The following SPAG16 variants were observed in gnomAD, a reference collection of about 807,000 sequenced individuals.
SPAG16 encodes sperm-associated antigen 16 protein.
SPAG16 carries 86 observed loss-of-function variants against 80.4 expected under a neutral mutation model. The ratio of observed to expected loss-of-function variants is 1.07; its 90% CI spans 0.90 to 1.28. The LOEUF is 1.28. SPAG16 is among the 50% of genes most tolerant of loss of function. The pLI is 0.00. For missense variants in SPAG16, 870 were observed against 765.3 expected, an observed-to-expected ratio of 1.14 and a Z score of -1.61; for synonymous variants, 294 against 265.9, an observed-to-expected ratio of 1.11 and a Z score of -1.03.
chr2:213,869,267 A>ATATATATATATGTATATATATATG (rs1559538085), intron 11 of SPAG16, among the ~76,000 whole-genome samples: 4 of 63,634 alleles, frequency 6.3e-5, no homozygotes, highest in African/African-American at 2.8e-4. Context: ...AAAAAAAAAT[A>ATATATATATATGTATATATATATG]TATATATATA....
At chr2:213,980,841 G>A (rs906235875) in intron 12 of SPAG16, among the ~76,000 whole-genome samples, 24 of 146,554 alleles carry the variant, frequency 1.6e-4, no homozygotes, top group South Asian at 6.6e-4. Context: ...CCCGGGAGGC[G>A]GAGGTTGCAG....
intron 12 of SPAG16, among the ~76,000 whole-genome samples, chr2:213,994,708 C>G (rs2046436692): frequency 6.6e-6 from 1 of 150,712 alleles, no homozygotes; most frequent in Middle Eastern, 3.6e-3. Context: ...ACCATCTATT[C>G]TGAATTTTAT....
At chr2:213,477,820 GT>G in intron 9 of SPAG16, among the ~76,000 whole-genome samples, 1 of 152,254 alleles carries the variant, frequency 6.6e-6, no homozygotes, top group Admixed American at 6.5e-5. Flanking sequence ...GGTATCATTG[GT>G]TTTGAAATAT....
intron 15 of SPAG16, among the ~76,000 whole-genome samples, chr2:214,155,807 T>A (rs978511843): frequency 6.6e-6 from 1 of 152,192 alleles, no homozygotes; most frequent in Admixed American, 6.5e-5. Flanking sequence ...ATTCACCTAT[T>A]TAATTCTCAC....
At chr2:213,475,129 C>T (rs993152584) in intron 9 of SPAG16, among the ~76,000 whole-genome samples, 2 of 152,134 alleles carry the variant, frequency 1.3e-5, no homozygotes, top group African/African-American at 2.4e-5. Flanking sequence ...AGTCAGGATT[C>T]GATTCCAAAG....
chr2:213,438,310 C>A (rs1028447878), intron 9 of SPAG16, among the ~76,000 whole-genome samples: 1 of 152,142 alleles, frequency 6.6e-6, no homozygotes, highest in Non-Finnish European at 1.5e-5. Context: ...TTGAAATAGA[C>A]AACAATGGCC....
At chr2:213,644,646 A>T (rs1223945211) in intron 10 of SPAG16, among the ~76,000 whole-genome samples, 5 of 152,172 alleles carry the variant, frequency 3.3e-5, no homozygotes, top group Admixed American at 3.3e-4. Context: ...AATCCTCTGG[A>T]TTCCCAGGGA....
rs2063435897 is a variant in SPAG16, at chr2:213,317,257, CTG to C, written c.439_440del (p.Val147TrpfsTer16). The C allele has an allele frequency of 6.2e-7, 1 of 1,607,106 alleles. No individual in the cohort carries two copies. On this transcript the variant is annotated frameshift_variant, in exon 5 of 16. Transcript: ENST00000331683. LOFTEE classifies it high-confidence loss of function. Reference sequence around the variant, plus strand: ...CAGAAAGGAGTGACTGAACTTAGAACTGTTGGGAATGTTCCAGATGTCTACAC... The same window carrying C: ...CAGAAAGGAGTGACTGAACTTAGAACTTGGGAATGTTCCAGATGTCTACAC...
chr2:214,306,736 G>T (rs1180037116), intron 15 of SPAG16, among the ~76,000 whole-genome samples: 1 of 152,122 alleles, frequency 6.6e-6, no homozygotes, highest in African/African-American at 2.4e-5. Flanking sequence ...ACTTGATCTT[G>T]GTGGACAAAC....
chr2:214,354,996 TCTC>T (rs1208809593), intron 15 of SPAG16, among the ~76,000 whole-genome samples: 6 of 152,096 alleles, frequency 3.9e-5, no homozygotes, highest in Non-Finnish European at 5.9e-5. Context: ...TTTATTTCCT[TCTC>T]CTGCCTAATT....
intron 15 of SPAG16, among the ~76,000 whole-genome samples, chr2:214,372,853 C>T (rs1238062246): frequency 1.3e-5 from 2 of 152,168 alleles, no homozygotes; most frequent in African/African-American, 4.8e-5. Flanking sequence ...AATGCCATGA[C>T]ATTCTGTCAC....
rs889858524 is a variant in SPAG16, at chr2:213,531,864, C to T, written c.1070+41774C>T. On this transcript the variant is annotated intron_variant, in intron 10 of 15. Transcript: ENST00000331683. ...AGTCATGATCTATTGCACAGTGAAT[C>T]CATTTGGAATCTTACAATCAGTGAA... is the stretch of plus-strand genomic sequence containing the variant. Among the ~76,000 whole-genome samples, 4 of 152,198 alleles carry T rather than the reference C, an allele frequency of 2.6e-5. No homozygotes were observed. The South Asian group carries it at 8.3e-4, about 32-fold the overall frequency.
chr2:213,403,640 T>C (rs896343997), intron 9 of SPAG16, among the ~76,000 whole-genome samples: 3 of 152,068 alleles, frequency 2.0e-5, no homozygotes, highest in Non-Finnish European at 4.4e-5. Context: ...CCTTTGAAAA[T>C]GGGCACAAGA....
At chr2:214,077,198 G>A (rs767896445) in intron 13 of SPAG16, among the ~76,000 whole-genome samples, 4 of 152,070 alleles carry the variant, frequency 2.6e-5, no homozygotes, top group Non-Finnish European at 4.4e-5. Flanking sequence ...ACAACCTCCG[G>A]GTACCTAGGG....
At chr2:213,573,205 G>C (rs1259004) in intron 10 of SPAG16, among the ~76,000 whole-genome samples, 152,064 of 152,226 alleles carry the variant, frequency 1, 75,953 homozygotes, top group Middle Eastern at 1. Context: ...TTCTGCGTCG[G>C]TCACGCTGGG....
chr2:213,583,612 G>T (rs186522948), intron 10 of SPAG16, among the ~76,000 whole-genome samples: 251 of 152,216 alleles, frequency 1.6e-3, no homozygotes, highest in African/African-American at 5.4e-3. Flanking sequence ...TGACATTTGG[G>T]GGGGTGGTAA....
chr2:213,594,022 G>C (rs1033550851), intron 10 of SPAG16, among the ~76,000 whole-genome samples: 8 of 151,610 alleles, frequency 5.3e-5, no homozygotes, highest in African/African-American at 1.9e-4. Context: ...TGATCGGCCT[G>C]CCTCGGCCTC....
intron 11 of SPAG16, among the ~76,000 whole-genome samples, chr2:213,863,807 A>G (rs1175128682): frequency 2.0e-5 from 3 of 152,162 alleles, no homozygotes; most frequent in Non-Finnish European, 4.4e-5. Flanking sequence ...TTGACCAGCA[A>G]TGGTCCTTTT....
intron 9 of SPAG16, among the ~76,000 whole-genome samples, chr2:213,401,045 G>A (rs1244073719): frequency 5.3e-5 from 8 of 152,306 alleles, no homozygotes; most frequent in Middle Eastern, 3.4e-3. Flanking sequence ...CTGGACTCAA[G>A]AGATCTGTCT....
Sources: allele counts gnomAD v4.1 joint callset (sites outside exome capture counted in the v4.1 genomes callset), GRCh38; gene constraint gnomAD v4.1.1; transcripts MANE v1.5; gene names NCBI Gene and HGNC (gene_info 2026-07-23, HGNC 2026-07-21).